The following OTOG variants were observed in gnomAD, a reference collection of about 807,000 sequenced individuals.
OTOG encodes the protein otogelin.
A neutral mutation model predicts 313.8 loss-of-function variants in OTOG; 296 were observed. The observed-to-expected ratio is 0.94, with a 90% confidence interval of 0.86 to 1.04. OTOG has a LOEUF of 1.04. Ranked by LOEUF, OTOG falls within the 50% of genes least tolerant of loss-of-function variation. The pLI is 0.00. For synonymous variants in OTOG, 1,533 were observed against 1,554.9 expected (o/e 0.99, Z 0.33); for missense variants, 3,948 against 3,840.1 (o/e 1.03, Z -0.74).
chr11:17,642,531 C>T (rs916690691), intron 53 of OTOG, among the ~76,000 whole-genome samples: 3 of 152,228 alleles, frequency 2.0e-5, no homozygotes, highest in African/African-American at 7.2e-5. Context: ...TCACCAGTCA[C>T]TCACACACCA....
rs139166311 is a variant in OTOG, at chr11:17,580,109, C to T, written c.2759+1583C>T. Among the ~76,000 whole-genome samples the T allele has an allele frequency of 2.8e-3, 423 of 152,312 alleles. 1 individual carries two copies. Among genetic ancestry groups the T allele is most frequent in the African/African-American group, 9.9e-3 (410 of 41,560 alleles). On this transcript the variant is annotated intron_variant, in intron 23 of 55. Transcript: ENST00000399397. ...TGATCACCTCTGTGCATGAGAGTTCCGACTGTCTGGCCACCATGCCCTTCT... is the reference window on the plus strand; with the variant it reads ...TGATCACCTCTGTGCATGAGAGTTCTGACTGTCTGGCCACCATGCCCTTCT...
intron 6 of OTOG, among the ~76,000 whole-genome samples, chr11:17,553,824 T>A (rs992293430): frequency 1.3e-5 from 2 of 152,246 alleles, no homozygotes; most frequent in Non-Finnish European, 2.9e-5. Context: ...AACACAGGTA[T>A]AATCTTTGTC....
chr11:17,639,712 GATA>G lies in OTOG; in HGVS notation c.7935+252_7935+254del, dbSNP rs1239273783. Reference sequence around the variant, plus strand: ...TGAAGATGAAAATTATCATGAAGATGATAATGATGATGCTGATGGTAGTGATGA... The same window carrying G: ...TGAAGATGAAAATTATCATGAAGATGATGATGATGCTGATGGTAGTGATGA... On this transcript the variant is annotated intron_variant, in intron 49 of 55. Transcript: ENST00000399397. Among the ~76,000 whole-genome samples the G allele has an allele frequency of 8.5e-5, 13 of 152,348 alleles. No homozygotes were observed. In the South Asian group the frequency reaches 2.5e-3, roughly 29 times the overall value.
At position 17,613,247 on chromosome 11, in the gene OTOG, CTTTCTTTCTTTCTT is replaced by C. The variant is rs1565118983; in HGVS notation, c.6439-363_6439-350del. 3.0e-3 allele frequency among the ~76,000 whole-genome samples: 370 copies of C among 125,288 alleles called. 3 individuals are homozygous for C. Among genetic ancestry groups the C allele is most frequent in the African/African-American group, 0.011 (316 of 29,444 alleles). The allele number at this position is 125,288 out of a possible 152,430, so 82.2% of individuals were successfully genotyped here. Reference sequence around the variant, plus strand: ...TCTTTCTTTCTTTCTTTCTTTCTTTCTTTCTTTCTTTCTTTCTTTCTCTCTCTGTCTGTCTTTCT... The same window carrying C: ...TCTTTCTTTCTTTCTTTCTTTCTTTCTCTTTCTCTCTCTGTCTGTCTTTCT... On this transcript the variant is annotated intron_variant, in intron 38 of 55. Coordinates refer to ENST00000399397, the MANE Select transcript of OTOG (RefSeq NM_001292063.2).
chr11:17,577,325 G>A (rs1361155003), intron 22 of OTOG, among the ~76,000 whole-genome samples: 1 of 152,170 alleles, frequency 6.6e-6, no homozygotes, highest in Admixed American at 6.5e-5. Flanking sequence ...GACAGCCTGG[G>A]CTTTTGAGAC....
intron 51 of OTOG, among the ~76,000 whole-genome samples, chr11:17,641,585 G>T (rs1847972171): frequency 6.6e-6 from 1 of 152,122 alleles, no homozygotes; most frequent in South Asian, 2.1e-4. Context: ...CTCAAATGGA[G>T]GTCTGTCTGG....
Position 17,553,182 on chromosome 11 carries a change from T to C in OTOG, c.356T>C (p.Phe119Ser). Reference sequence around the variant, plus strand: ...CCAGCCTTCTGTGACTGCAGACGCTTCAATGCCACTGGACCGCGCTGCCAG... The same window carrying C: ...CCAGCCTTCTGTGACTGCAGACGCTCCAATGCCACTGGACCGCGCTGCCAG... ...VHPAFCDCRR[F>S]NATGPRCQMV... The change falls in exon 5 of 56, where the codon TTC becomes TCC. Residue 119 changes from phenylalanine (F) to serine (S), a missense_variant. Phe to Ser is a radical substitution (Grantham distance 155). Transcript: ENST00000399397. 3.9e-6 allele frequency: 6 copies of C among 1,550,520 alleles called. No individual in the cohort carries two copies. Among genetic ancestry groups the C allele is most frequent in the Non-Finnish European group, 5.2e-6 (6 of 1,146,972 alleles).
chr11:17,599,051 A>G (rs1331183376), intron 30 of OTOG, among the ~76,000 whole-genome samples: 1 of 152,198 alleles, frequency 6.6e-6, no homozygotes. Flanking sequence ...GTCTCCTGCA[A>G]GGTCCCAGGC....
intron 25 of OTOG, 123 bp downstream of exon 25, chr11:17,591,711 A>T (rs1003092146): frequency 7.9e-7 from 1 of 1,264,172 alleles, no homozygotes; most frequent in African/African-American, 1.5e-5. Context: ...AGGTGGGGCT[A>T]TCTAGAGACT....
In OTOG at chr11:17,645,550, C is replaced by G; in HGVS notation, c.8462-14C>G. On this transcript the variant is annotated splice_polypyrimidine_tract_variant and intron_variant, in intron 54 of 55. Coordinates refer to ENST00000399397, the MANE Select transcript of OTOG (RefSeq NM_001292063.2). Reference sequence around the variant, plus strand: ...GGTCTTGGCCACAGCTGCCTCATCCCCCTGTCCCCCCAGGTAAGGAGGATG... The same window carrying G: ...GGTCTTGGCCACAGCTGCCTCATCCGCCTGTCCCCCCAGGTAAGGAGGATG... 1 of 1,549,904 alleles carries G rather than the reference C, an allele frequency of 6.5e-7. No individual in the cohort carries two copies. The highest frequency in any genetic ancestry group is 8.7e-7 in the Non-Finnish European group (1 of 1,146,630).
intron 6 of OTOG, 22 bp from the exon 7 acceptor site, chr11:17,555,757 A>G (rs1221519554): frequency 3.9e-6 from 6 of 1,543,128 alleles, no homozygotes; most frequent in African/African-American, 1.4e-5. Context: ...CCTGCAAACC[A>G]GCCTCTGAAC....
In OTOG at chr11:17,593,679, C is replaced by A; in HGVS notation, c.3211C>A (p.His1071Asn). The change falls in exon 27 of 56, where the codon CAT becomes AAT. Residue 1071 changes from histidine to asparagine, a missense_variant. His to Asn is a moderately conservative substitution (Grantham distance 68). Transcript: ENST00000399397. ...TWRVGFFTLV[H>N]FPQEHITLLW... ...GCGAGTGGGATTTTTCACACTGGTGCATTTCCCACAGGAGCACATCACCCT... is the reference window on the plus strand; with the variant it reads ...GCGAGTGGGATTTTTCACACTGGTGAATTTCCCACAGGAGCACATCACCCT... 6.5e-7 allele frequency: 1 copy of A among 1,549,072 alleles called. No individual in the cohort carries two copies. The highest frequency in any genetic ancestry group is 8.7e-7 in the Non-Finnish European group (1 of 1,146,968).
At chr11:17,643,427 C>A (rs1025726488) in intron 53 of OTOG, 34 bp from the exon 54 acceptor site, 2 of 1,405,108 alleles carry the variant, frequency 1.4e-6, no homozygotes, top group Non-Finnish European at 9.3e-7. Context: ...GGGGTCTCCA[C>A]ACCTACCTAC....
At chr11:17,586,699 C>T (rs551481191) in intron 24 of OTOG, 118 bp downstream of exon 24, 14 of 501,148 alleles carry the variant, frequency 2.8e-5, no homozygotes, top group South Asian at 1.3e-4. Context: ...TCATGTTGTG[C>T]GTTTGTGTGT....
chr11:17,599,795 C>T, intron 31 of OTOG, 98 bp downstream of exon 31: 1 of 1,391,528 alleles, frequency 7.2e-7, no homozygotes, highest in African/African-American at 1.4e-5. Flanking sequence ...CGCTGCTGGC[C>T]CTGGAAGAGC....
At chr11:17,552,444 C>T (rs1043923341) in intron 4 of OTOG, among the ~76,000 whole-genome samples, 24 of 151,290 alleles carry the variant, frequency 1.6e-4, no homozygotes, top group Admixed American at 8.6e-4. Context: ...CTGTAGCCCC[C>T]ACTCCCTGTC....
At chr11:17,587,292 G>A (rs1281622382) in intron 24 of OTOG, among the ~76,000 whole-genome samples, 8 of 152,242 alleles carry the variant, frequency 5.3e-5, no homozygotes, top group African/African-American at 1.9e-4. Context: ...TGCAGGGCCT[G>A]TTCTGGGCCA....
chr11:17,612,854 G>T, intron 38 of OTOG, 89 bp downstream of exon 38: 1 of 1,421,178 alleles, frequency 7.0e-7, no homozygotes. Flanking sequence ...GGGTACCAGA[G>T]GCAAAGACAG....
rs1364264587 is a variant in OTOG, at chr11:17,642,109, T to G, written c.8296-18T>G. The G allele has an allele frequency of 1.3e-6, 2 of 1,533,920 alleles. No homozygotes were observed. Among genetic ancestry groups the G allele is most frequent in the African/African-American group, 2.8e-5 (2 of 72,664 alleles). ...CCATCTGGCCACAGCTCCCATTACC[T>G]ACTTCTGTGCCCTCCAGCCCGGGGC... On this transcript the variant is annotated intron_variant, in intron 52 of 55. Transcript: ENST00000399397.
Sources: allele counts gnomAD v4.1 joint callset (sites outside exome capture counted in the v4.1 genomes callset), GRCh38; gene constraint gnomAD v4.1.1; transcripts MANE v1.5; gene names NCBI Gene and HGNC (gene_info 2026-07-23, HGNC 2026-07-21).